The following SRRM4 variants were observed in gnomAD, a reference collection of about 807,000 sequenced individuals.
SRRM4 encodes the protein serine/arginine repetitive matrix protein 4.
SRRM4 carries 33 observed loss-of-function variants against 68.9 expected under a neutral mutation model. The observed-to-expected ratio is 0.48, with a 90% CI of 0.36 to 0.64. SRRM4 has a LOEUF of 0.64. SRRM4 is among the 30% of genes least tolerant of loss of function. The probability of loss-of-function intolerance (pLI) is 0.00; values close to 1 mark genes in which losing one functional copy is unlikely to be tolerated. For missense variants in SRRM4, 817 were observed against 827.1 expected (o/e 0.99, Z 0.15); for synonymous variants, 318 against 318.8 (o/e 1.00, Z 0.03).
chr12:119,148,358 G>C lies in SRRM4; in HGVS notation c.1077-2659G>C, dbSNP rs1459313738. 2.0e-5 allele frequency among the ~76,000 whole-genome samples: 3 copies of C among 152,262 alleles called. No individual in the cohort carries two copies. The East Asian group carries it at 5.8e-4, about 29-fold the overall frequency. Reference sequence around the variant, plus strand: ...CAAGCTTGACTGAGAACCTGAGCTGGGCCAGAGCCAATGTCAGTGTCTCCA... The same window carrying C: ...CAAGCTTGACTGAGAACCTGAGCTGCGCCAGAGCCAATGTCAGTGTCTCCA... On this transcript the variant is annotated intron_variant, in intron 9 of 12. Transcript: ENST00000267260.
intron 1 of SRRM4, among the ~76,000 whole-genome samples, chr12:119,039,279 T>A (rs1953650042): frequency 6.6e-6 from 1 of 152,076 alleles, no homozygotes; most frequent in South Asian, 2.1e-4. Flanking sequence ...GAAAGCACCA[T>A]GTATGTGACA....
At chr12:119,068,621 C>T (rs1424288954) in intron 1 of SRRM4, among the ~76,000 whole-genome samples, 1 of 152,042 alleles carries the variant, frequency 6.6e-6, no homozygotes, top group Non-Finnish European at 1.5e-5. Context: ...ATTTATCTCC[C>T]ATGCCGCAGA....
At chr12:119,071,225 A>G (rs1953876066) in intron 1 of SRRM4, among the ~76,000 whole-genome samples, 1 of 152,206 alleles carries the variant, frequency 6.6e-6, no homozygotes, top group Admixed American at 6.5e-5. Context: ...AGATAAATAA[A>G]TGAATATAAA....
chr12:119,050,917 C>T (rs1565897742), intron 1 of SRRM4, among the ~76,000 whole-genome samples: 1 of 151,892 alleles, frequency 6.6e-6, no homozygotes, highest in Non-Finnish European at 1.5e-5. Flanking sequence ...TAGCCACATC[C>T]CAAGTGCTCA....
At position 119,025,817 on chromosome 12, in the gene SRRM4, A is replaced by G. The variant is rs978118328; in HGVS notation, c.131+43804A>G. On this transcript the variant is annotated intron_variant, in intron 1 of 12. Coordinates refer to ENST00000267260, the MANE Select transcript of SRRM4 (RefSeq NM_194286.4). ...GAGGCTTAGAAAGCATCAGACCTCCATGAAAATGATCAGACCTTGAGCCAA... is the reference window on the plus strand; with the variant it reads ...GAGGCTTAGAAAGCATCAGACCTCCGTGAAAATGATCAGACCTTGAGCCAA... Among the ~76,000 whole-genome samples, 37 of 152,210 alleles carry G rather than the reference A, an allele frequency of 2.4e-4. 1 individual carries two copies. Among genetic ancestry groups the G allele is most frequent in the African/African-American group, 8.4e-4 (35 of 41,460 alleles).
chr12:119,117,026 T>C lies in SRRM4; in HGVS notation c.437+18T>C. 6.2e-7 allele frequency: 1 copy of C among 1,612,940 alleles called. No homozygotes were observed. The highest frequency in any genetic ancestry group is 1.1e-5 in the South Asian group (1 of 90,934). ...CGACGCAGGTATTGTCCTTTTTCTC[T>C]GCAAACAAGACCTCCCCAGGTGGGG... On this transcript the variant is annotated intron_variant, in intron 4 of 12. Coordinates refer to ENST00000267260, the MANE Select transcript of SRRM4 (RefSeq NM_194286.4).
At chr12:119,013,484 C>T (rs903224464) in intron 1 of SRRM4, among the ~76,000 whole-genome samples, 1 of 152,056 alleles carries the variant, frequency 6.6e-6, no homozygotes, top group African/African-American at 2.4e-5. Context: ...TTAAAAAACC[C>T]CAAAATTTCC....
chr12:119,064,024 C>A (rs1439568021), intron 1 of SRRM4, among the ~76,000 whole-genome samples: 6 of 152,098 alleles, frequency 3.9e-5, no homozygotes, highest in Non-Finnish European at 8.8e-5. Flanking sequence ...GCAAAAAATA[C>A]CCCCACATCT....
Position 119,149,852 on chromosome 12 carries a change from T to C in SRRM4, c.1077-1165T>C, listed in dbSNP as rs1954427976. Among the ~76,000 whole-genome samples, 4 of 152,252 alleles carry C rather than the reference T, an allele frequency of 2.6e-5. No individual in the cohort carries two copies. The South Asian group carries it at 8.3e-4, about 32-fold the overall frequency. On this transcript the variant is annotated intron_variant, in intron 9 of 12. Coordinates refer to ENST00000267260, the MANE Select transcript of SRRM4 (RefSeq NM_194286.4). ...GCCTTGAAAACCATATTAATGTGAT[T>C]TGAACTTGATTCTTGGCCCAATCCA...
chr12:119,147,140 T>C (rs1000528321), intron 9 of SRRM4, among the ~76,000 whole-genome samples: 16 of 152,164 alleles, frequency 1.1e-4, no homozygotes, highest in South Asian at 2.1e-4. Flanking sequence ...TCGGAAGGTA[T>C]GAGGTACCAC....
chr12:119,032,003 C>T (rs1320284164), intron 1 of SRRM4, among the ~76,000 whole-genome samples: 1 of 152,084 alleles, frequency 6.6e-6, no homozygotes, highest in African/African-American at 2.4e-5. Context: ...AAGCCCATCA[C>T]CCCAAATTAG....
intron 1 of SRRM4, among the ~76,000 whole-genome samples, chr12:118,996,061 C>T (rs976691117): frequency 2.0e-5 from 3 of 152,226 alleles, no homozygotes; most frequent in African/African-American, 7.2e-5. Context: ...ATTTATGCAG[C>T]ATCTAATTTG....
chr12:119,120,426 C>A, intron 5 of SRRM4, 150 bp downstream of exon 5: 1 of 869,932 alleles, frequency 1.1e-6, no homozygotes, highest in Non-Finnish European at 1.7e-6. Context: ...AAATGAAGGT[C>A]TGGGCTGTTT....
intron 1 of SRRM4, among the ~76,000 whole-genome samples, chr12:119,065,846 T>C (rs1156978053): frequency 6.6e-6 from 1 of 152,084 alleles, no homozygotes; most frequent in Non-Finnish European, 1.5e-5. Context: ...AGTGGATGGA[T>C]GGATGCATAA....
At position 119,156,955 on chromosome 12, in the gene SRRM4, C is replaced by G; in HGVS notation, c.*157C>G. The G allele has an allele frequency of 1.1e-6, 1 of 916,552 alleles. No individual in the cohort carries two copies. The allele number at this position is 916,552 out of a possible 1,614,324, so 56.8% of individuals were successfully genotyped here. On this transcript the variant is annotated 3_prime_UTR_variant, in exon 13 of 13. Coordinates refer to ENST00000267260, the MANE Select transcript of SRRM4 (RefSeq NM_194286.4). Reference sequence around the variant, plus strand: ...AGAGGAGAAGAGGGTAAGGGGGCTTCACTCTCTAGATCAGCCTGCTAGGAG... The same window carrying G: ...AGAGGAGAAGAGGGTAAGGGGGCTTGACTCTCTAGATCAGCCTGCTAGGAG...
intron 1 of SRRM4, among the ~76,000 whole-genome samples, chr12:119,018,926 T>G (rs1469482544): frequency 6.6e-6 from 1 of 152,224 alleles, no homozygotes; most frequent in Non-Finnish European, 1.5e-5. Flanking sequence ...CAGGAGTGGC[T>G]GAAATTTGTG....
At chr12:119,012,167 G>A (rs1953453563) in intron 1 of SRRM4, among the ~76,000 whole-genome samples, 1 of 152,150 alleles carries the variant, frequency 6.6e-6, no homozygotes, top group African/African-American at 2.4e-5. Context: ...CATCGTCTGG[G>A]AATTCAGATG....
intron 1 of SRRM4, among the ~76,000 whole-genome samples, chr12:119,073,170 G>T (rs1953888292): frequency 6.6e-6 from 1 of 152,158 alleles, no homozygotes; most frequent in Non-Finnish European, 1.5e-5. Flanking sequence ...CTGGTCTGGG[G>T]GAAAGCAGGG....
chr12:119,071,825 C>T (rs1038551475), intron 1 of SRRM4, among the ~76,000 whole-genome samples: 2 of 152,218 alleles, frequency 1.3e-5, no homozygotes, highest in African/African-American at 4.8e-5. Flanking sequence ...TGGCACACAT[C>T]TGCTCCATCA....
Sources: gnomAD v4.1 joint callset for allele counts (sites outside exome capture counted in the v4.1 genomes callset) on GRCh38, gnomAD v4.1.1 for gene constraint, MANE v1.5 for transcripts, NCBI Gene and HGNC (gene_info 2026-07-23, HGNC 2026-07-21) for gene names.